Variants in ITGAM observed in about 807,000 individuals in gnomAD.
The protein encoded by ITGAM is integrin alpha-M.
A neutral mutation model predicts 137.5 loss-of-function variants in ITGAM; 79 were observed. The ratio of observed to expected loss-of-function variants is 0.57; its 90% CI spans 0.48 to 0.69. The LOEUF is 0.69. Ranked by LOEUF, ITGAM falls within the 30% of genes least tolerant of loss-of-function variation. The pLI is 0.00. For synonymous variants in ITGAM, 583 were observed against 592.3 expected, an observed-to-expected ratio of 0.98 and a Z score of 0.23; for missense variants, 1,343 against 1,483.5, an observed-to-expected ratio of 0.91 and a Z score of 1.56.
chr16:31,292,133 A>C (rs1035542172), intron 12 of ITGAM, among the ~76,000 whole-genome samples: 1 of 152,114 alleles, frequency 6.6e-6, no homozygotes, highest in African/African-American at 2.4e-5. Flanking sequence ...CCAATTCTAA[A>C]ATTTATATAA....
intron 12 of ITGAM, among the ~76,000 whole-genome samples, chr16:31,294,586 C>G (rs921014597): frequency 1.2e-4 from 19 of 152,132 alleles, no homozygotes; most frequent in African/African-American, 4.6e-4. Flanking sequence ...TGAAGCCTAC[C>G]TGATCATGGT....
rs1597045172 is a variant in ITGAM, at chr16:31,330,605, G to A, written c.3276G>A (p.Gln1092=). The stretch of plus-strand genomic sequence containing the variant: ...GACAGGGGGCGTTTGTGAGGTCCCA[G>A]GTACCTGTCTTGGGCGCTGAGGAAC... ...LPGQGAFVRS[Q]TETKVEPFEV... The change falls in exon 28 of 30, where the codon CAG becomes CAA. Residue 1092 remains glutamine (Q), a splice_region_variant and synonymous_variant. Transcript: ENST00000544665. 1 of 1,602,842 alleles carries A rather than the reference G, an allele frequency of 6.2e-7. No individual in the cohort carries two copies.
chr16:31,316,429 C>T (rs1043842295), intron 14 of ITGAM, among the ~76,000 whole-genome samples: 1 of 151,402 alleles, frequency 6.6e-6, no homozygotes, highest in Non-Finnish European at 1.5e-5. Context: ...ATTGTAAATG[C>T]ATGGGTTCAT....
chr16:31,264,493 T>C (rs2079741323), intron 2 of ITGAM, among the ~76,000 whole-genome samples: 1 of 151,940 alleles, frequency 6.6e-6, no homozygotes, highest in Non-Finnish European at 1.5e-5. Flanking sequence ...AAAATGACTG[T>C]GTGGGCCGGG....
chr16:31,303,900 T>G (rs2080240705), intron 14 of ITGAM, among the ~76,000 whole-genome samples: 1 of 152,190 alleles, frequency 6.6e-6, no homozygotes, highest in South Asian at 2.1e-4. Flanking sequence ...ATCTTTGCAA[T>G]TGTGAATTGT....
At chr16:31,265,910 C>T (rs1484533478) in intron 4 of ITGAM, 29 bp downstream of exon 4, 2 of 1,610,860 alleles carry the variant, frequency 1.2e-6, no homozygotes, top group Admixed American at 3.3e-5. Context: ...GAGGAGCATC[C>T]TAATGGGGGT....
At position 31,330,112 on chromosome 16, in the gene ITGAM, G is replaced by C; in HGVS notation, c.3008G>C (p.Arg1003Pro). 6.2e-7 allele frequency: 1 copy of C among 1,613,732 alleles called. No individual in the cohort carries two copies. The highest frequency in any genetic ancestry group is 8.5e-7 in the Non-Finnish European group (1 of 1,179,786). Residue 1003 changes from arginine to proline, a missense_variant, in exon 26 of 30, where the codon CGC (arginine) becomes CCC (proline). Coordinates refer to ENST00000544665, the MANE Select transcript of ITGAM (RefSeq NM_000632.4). ...TCGAGTACGTGCCACACCAAGGAGC[G>C]CTTGCCCTCTCACTCCGACTTTCTG... ...NLSSTCHTKE[R>P]LPSHSDFLAE...
At chr16:31,265,568 C>A (rs908202439) in intron 3 of ITGAM, 70 bp downstream of exon 3, 4 of 1,061,594 alleles carry the variant, frequency 3.8e-6, no homozygotes, top group Non-Finnish European at 5.5e-6. Context: ...CCAGGCACTC[C>A]TGTGTCCTGG....
At chr16:31,269,116 C>G (rs1304852285) in intron 5 of ITGAM, among the ~76,000 whole-genome samples, 1 of 152,102 alleles carries the variant, frequency 6.6e-6, no homozygotes, top group Non-Finnish European at 1.5e-5. Flanking sequence ...GCTGATTGAT[C>G]AGGGATGAAA....
chr16:31,276,709 A>G lies in ITGAM; in HGVS notation c.1048A>G (p.Met350Val), dbSNP rs771783124. 6.2e-7 allele frequency: 1 copy of G among 1,611,984 alleles called. No individual in the cohort carries two copies. The highest frequency in any genetic ancestry group is 2.2e-5 in the East Asian group (1 of 44,824). Reference sequence around the variant, plus strand: ...AAGTAGCAGCTCCTTTGAGCATGAGATGTCTCAGGAAGGCTTCAGCGCTGC... The same window carrying G: ...AAGTAGCAGCTCCTTTGAGCATGAGGTGTCTCAGGAAGGCTTCAGCGCTGC... ...TGSSSSFEHE[M>V]SQEGFSAAIT... The change falls in exon 10 of 30, where the codon ATG becomes GTG. Residue 350 changes from methionine to valine, a missense_variant. By Grantham distance (21) the Met-to-Val change is conservative. Coordinates refer to ENST00000544665, the MANE Select transcript of ITGAM (RefSeq NM_000632.4).
In ITGAM at chr16:31,331,110, G is replaced by A. The variant is rs2080576039; in HGVS notation, c.3277-55G>A. On this transcript the variant is annotated intron_variant, in intron 28 of 29. Transcript: ENST00000544665. The stretch of plus-strand genomic sequence containing the variant: ...TCAGGGGTGCACACGGTGTGAATGG[G>A]GAACCCCCAGAAATCCAGAGTCGTC... 8.7e-6 allele frequency: 8 copies of A among 918,304 alleles called. No homozygotes were observed. In the South Asian group the frequency reaches 1.2e-4, roughly 13 times the overall value. 56.9% of individuals were successfully genotyped at this position (918,304 alleles called of 1,614,324 possible). A position where few individuals can be genotyped will look rare whatever the true frequency, so the allele number is the denominator to read the frequency against.
Position 31,297,545 on chromosome 16 carries a change from C to T in ITGAM, c.1388C>T (p.Ser463Phe). 6.2e-7 allele frequency: 1 copy of T among 1,612,106 alleles called. No homozygotes were observed. The highest frequency in any genetic ancestry group is 1.3e-5 in the African/African-American group (1 of 74,996). ...IGAYFGASLC[S>F]VDVDSNGSTD... The stretch of plus-strand genomic sequence containing the variant: ...GCCTACTTCGGGGCCTCCCTCTGCT[C>T]CGTGGACGTGGACAGCAACGGCAGC... Residue 463 changes from serine (S) to phenylalanine (F), a missense_variant, in exon 13 of 30, where the codon TCC becomes TTC. Coordinates refer to ENST00000544665, the MANE Select transcript of ITGAM (RefSeq NM_000632.4).
intron 2 of ITGAM, among the ~76,000 whole-genome samples, chr16:31,262,390 TC>T (rs2079714642): frequency 2.1e-5 from 3 of 141,410 alleles, no homozygotes; most frequent in Non-Finnish European, 3.0e-5. Flanking sequence ...CTTCCTTCCT[TC>T]CTTCCTTCCT....
Position 31,266,616 on chromosome 16 carries a change from A to C in ITGAM, c.427+469A>C, listed in dbSNP as rs150439582. ...CACACACCTGCAGTCCCAGCTACTC[A>C]GGAGGATCACTTGAGCCTGGGAAGT... On this transcript the variant is annotated intron_variant, in intron 5 of 29. Coordinates refer to ENST00000544665, the MANE Select transcript of ITGAM (RefSeq NM_000632.4). Among the ~76,000 whole-genome samples the C allele has an allele frequency of 9.9e-5, 15 of 151,536 alleles. No individual in the cohort carries two copies. The East Asian group carries it at 2.7e-3, about 27-fold the overall frequency.
At chr16:31,329,985 G>T in intron 25 of ITGAM, 80 bp downstream of exon 25, 2 of 1,528,950 alleles carry the variant, frequency 1.3e-6, no homozygotes, top group East Asian at 2.4e-5. Flanking sequence ...TTTTAGAGCC[G>T]CTCCGCCCCT....
chr16:31,331,504 T>C, intron 29 of ITGAM, 132 bp from the exon 30 acceptor site: 1 of 672,724 alleles, frequency 1.5e-6, no homozygotes, highest in Non-Finnish European at 2.6e-6. Flanking sequence ...CCGACGCGGA[T>C]GTCACTCCCC....
chr16:31,330,931 T>A (rs9930690), intron 28 of ITGAM, among the ~76,000 whole-genome samples: 1 of 95,124 alleles, frequency 1.1e-5, no homozygotes, highest in Admixed American at 9.6e-5. Context: ...ACAGAGACAG[T>A]GAGCCATGGA....
chr16:31,271,629 A>G (rs541894067), intron 6 of ITGAM, among the ~76,000 whole-genome samples: 16 of 152,374 alleles, frequency 1.1e-4, no homozygotes, highest in Non-Finnish European at 2.1e-4. Context: ...CTGGGATTAC[A>G]GGTGTGAGCC....
chr16:31,297,665 A>T lies in ITGAM; in HGVS notation c.1497+11A>T, dbSNP rs2080149337. The T allele has an allele frequency of 6.2e-7, 1 of 1,611,610 alleles. No individual in the cohort carries two copies. Among genetic ancestry groups the T allele is most frequent in the East Asian group, 2.2e-5 (1 of 44,806 alleles). On this transcript the variant is annotated intron_variant, in intron 13 of 29. Transcript: ENST00000544665. ...CCCTTGCCCAGGGGGGTGAGTGGCA[A>T]TGGGACCTGGGCTGGGTGGGGCCCG...
Sources: gnomAD v4.1 joint callset for allele counts (sites outside exome capture counted in the v4.1 genomes callset) on GRCh38, gnomAD v4.1.1 for gene constraint, MANE v1.5 for transcripts, NCBI Gene and HGNC (gene_info 2026-07-23, HGNC 2026-07-21) for gene names.